The following RPL35 variants were observed in gnomAD, a reference collection of about 807,000 sequenced individuals.
RPL35 encodes ribosomal protein L35.
Under a neutral mutation model 15.6 loss-of-function variants are expected in RPL35, and 2 were observed. That is an observed-to-expected ratio of 0.13 (90% confidence interval 0.05 to 0.40). The LOEUF is 0.40. Ranked by LOEUF, RPL35 falls within the 10% of genes least tolerant of loss-of-function variation. RPL35 has a pLI of 0.99. For synonymous variants in RPL35, 93 were observed against 67.9 expected (o/e 1.37, Z -1.82); for missense variants, 111 against 164.7 (o/e 0.67, Z 1.79).
rs372635794 is a variant in RPL35, at chr9:124,857,913, G to A, written c.*5C>T. On this transcript the variant is annotated 3_prime_UTR_variant, in exon 4 of 4. Coordinates refer to ENST00000348462, the MANE Select transcript of RPL35 (RefSeq NM_007209.4). ...GCCAGCTGTGCTTTATTGACAATGC[G>A]CCCCTCAGGCCTTGACCGCGTACTT... The A allele has an allele frequency of 6.2e-6, 10 of 1,611,610 alleles. No homozygotes were observed. The highest frequency in any genetic ancestry group is 4.0e-5 in the African/African-American group (3 of 74,854).
chr9:124,860,341 G>A (rs1829177536), intron 2 of RPL35, 77 bp from the exon 3 acceptor site: 1 of 1,165,038 alleles, frequency 8.6e-7, no homozygotes, highest in Admixed American at 1.7e-5. Context: ...ACATAGGGCA[G>A]CAATAGCTGC....
intron 2 of RPL35, chr9:124,861,153 T>A (rs3780594): frequency 0.13 from 58,042 of 440,172 alleles, 4,644 homozygotes; most frequent in Admixed American, 0.24. Flanking sequence ...AAAACTCAAG[T>A]GTTGGTGGGA....
At chr9:124,858,155 G>A (rs1564307748) in intron 3 of RPL35, 88 bp from the exon 4 acceptor site, 6 of 1,409,118 alleles carry the variant, frequency 4.3e-6, no homozygotes, top group Admixed American at 2.1e-5. Flanking sequence ...GCCATCCAGA[G>A]CCACTCAGGA....
intron 2 of RPL35, 112 bp downstream of exon 2, chr9:124,861,307 G>T: frequency 7.5e-7 from 1 of 1,336,004 alleles, no homozygotes; most frequent in Non-Finnish European, 1.0e-6. Context: ...CAGGATGCAC[G>T]GAGTGGGCAT....
rs754541112 is a variant in RPL35 at position 124,861,564 on chromosome 9, AAGAG to A, written c.4-13_4-10del. The A allele has an allele frequency of 8.7e-6, 14 of 1,613,264 alleles. No individual in the cohort carries two copies. The highest frequency in any genetic ancestry group is 2.2e-5 in the South Asian group (2 of 91,002). On this transcript the variant is annotated splice_polypyrimidine_tract_variant and intron_variant, in intron 1 of 3. Coordinates refer to ENST00000348462, the MANE Select transcript of RPL35 (RefSeq NM_007209.4). ...CGAGCCTTGATCTTGGCCTGCGCGCAAGAGAGAGTGTGCCTCAGCCAGGCCGCGG... is the reference window on the plus strand; with the variant it reads ...CGAGCCTTGATCTTGGCCTGCGCGCAAGAGTGTGCCTCAGCCAGGCCGCGG...
At chr9:124,860,065 G>A (rs559625861) in intron 3 of RPL35, 118 bp downstream of exon 3, 3 of 749,264 alleles carry the variant, frequency 4.0e-6, no homozygotes, top group East Asian at 5.2e-5. Flanking sequence ...AACAAATTGG[G>A]AAGGCTAACC....
intron 2 of RPL35, among the ~76,000 whole-genome samples, chr9:124,860,621 GGAGA>G (rs1304747548): frequency 6.6e-6 from 1 of 152,220 alleles, no homozygotes; most frequent in Non-Finnish European, 1.5e-5. Context: ...GGGAACTGCA[GGAGA>G]GAGAAACAAG....
In RPL35 at chr9:124,861,564, A is replaced by AAG; in HGVS notation, c.4-11_4-10dup. On this transcript the variant is annotated splice_polypyrimidine_tract_variant and intron_variant, in intron 1 of 3. Coordinates refer to ENST00000348462, the MANE Select transcript of RPL35 (RefSeq NM_007209.4). ...CGAGCCTTGATCTTGGCCTGCGCGCAAGAGAGAGTGTGCCTCAGCCAGGCC... is the reference window on the plus strand; with the variant it reads ...CGAGCCTTGATCTTGGCCTGCGCGCAAGAGAGAGAGTGTGCCTCAGCCAGGCC... 6.2e-7 allele frequency: 1 copy of AAG among 1,613,382 alleles called. No individual in the cohort carries two copies. Among genetic ancestry groups the AAG allele is most frequent in the Non-Finnish European group, 8.5e-7 (1 of 1,179,796 alleles).
At chr9:124,861,264 A>T in intron 2 of RPL35, 155 bp downstream of exon 2, 1 of 911,470 alleles carries the variant, frequency 1.1e-6, no homozygotes. Flanking sequence ...GGCAGGTAAG[A>T]GGCTAAGCAC....
At chr9:124,861,292 C>T (rs1452608045) in intron 2 of RPL35, 127 bp downstream of exon 2, 15 of 1,214,686 alleles carry the variant, frequency 1.2e-5, no homozygotes, top group Non-Finnish European at 1.6e-5. Context: ...GTCTCCCATG[C>T]GCGCCAGGAT....
rs118098567 is a variant in RPL35, at chr9:124,859,259, G to A, written c.222+924C>T. Among the ~76,000 whole-genome samples, 1,276 of 152,244 alleles carry A rather than the reference G, an allele frequency of 8.4e-3. 51 individuals carry two copies. Among genetic ancestry groups the A allele is most frequent in the Admixed American group, 0.066 (1,009 of 15,290 alleles). On this transcript the variant is annotated intron_variant, in intron 3 of 3. Coordinates refer to ENST00000348462, the MANE Select transcript of RPL35 (RefSeq NM_007209.4). Reference sequence around the variant, plus strand: ...TGGGCTCAAGCCATCCTCCTGCCTCGGCCTCCCAGTAGCTGGGGTTATAGG... The same window carrying A: ...TGGGCTCAAGCCATCCTCCTGCCTCAGCCTCCCAGTAGCTGGGGTTATAGG...
At chr9:124,858,674 A>G in intron 3 of RPL35, 2 of 613,382 alleles carry the variant, frequency 3.3e-6, no homozygotes, top group Non-Finnish European at 5.9e-6. Context: ...CTCCTGCCCC[A>G]CTTGTTCTCC....
At chr9:124,858,514 T>C (rs777444375) in intron 3 of RPL35, 32 of 715,972 alleles carry the variant, frequency 4.5e-5, no homozygotes, top group Non-Finnish European at 6.0e-5. Flanking sequence ...TGTCCATCTG[T>C]ATGCAGGGCC....
At chr9:124,860,315 A>G (rs370531605) in intron 2 of RPL35, 51 bp from the exon 3 acceptor site, 1 of 1,433,572 alleles carries the variant, frequency 7.0e-7, no homozygotes. Context: ...AGCACTACCC[A>G]AGACTCAGGA....
At chr9:124,860,317 G>A in intron 2 of RPL35, 53 bp from the exon 3 acceptor site, 1 of 1,399,908 alleles carries the variant, frequency 7.1e-7, no homozygotes, top group Non-Finnish European at 1.0e-6. Flanking sequence ...CACTACCCAA[G>A]ACTCAGGACT....
At chr9:124,861,347 G>C (rs1829193771) in intron 2 of RPL35, 72 bp downstream of exon 2, 1 of 1,551,222 alleles carries the variant, frequency 6.4e-7, no homozygotes, top group Admixed American at 1.9e-5. Context: ...AGCCAACTTT[G>C]AAATCCTCCG....
chr9:124,858,461 G>T, intron 3 of RPL35: 1 of 716,378 alleles, frequency 1.4e-6, no homozygotes, highest in Admixed American at 2.0e-5. Context: ...CCATTACCTC[G>T]GCTCTGGTTA....
chr9:124,859,144 C>T (rs988059935), intron 3 of RPL35, among the ~76,000 whole-genome samples: 3 of 152,222 alleles, frequency 2.0e-5, no homozygotes, highest in Non-Finnish European at 4.4e-5. Context: ...GTGCTAGTGT[C>T]CCCTGAACAG....
At position 124,861,500 on chromosome 9, in the gene RPL35, T is replaced by C; in HGVS notation, c.59A>G (p.Gln20Arg). ...RGKKKEELLK[Q>R]LDDLKVELSQ... Reference sequence around the variant, plus strand: ...CAGCTCCACCTTCAGGTCGTCCAGCTGTTTCAGCAGCTCCTCCTTCTTCTT... The same window carrying C: ...CAGCTCCACCTTCAGGTCGTCCAGCCGTTTCAGCAGCTCCTCCTTCTTCTT... The change falls in exon 2 of 4, where the codon CAG becomes CGG. Residue 20 changes from glutamine (Q) to arginine (R), a missense_variant. Coordinates refer to ENST00000348462, the MANE Select transcript of RPL35 (RefSeq NM_007209.4). 6.2e-7 allele frequency: 1 copy of C among 1,614,040 alleles called. No individual in the cohort carries two copies. Among genetic ancestry groups the C allele is most frequent in the Non-Finnish European group, 8.5e-7 (1 of 1,180,018 alleles).
Sources: gnomAD v4.1 joint callset for allele counts (sites outside exome capture counted in the v4.1 genomes callset) on GRCh38, gnomAD v4.1.1 for gene constraint, MANE v1.5 for transcripts, NCBI Gene and HGNC (gene_info 2026-07-23, HGNC 2026-07-21) for gene names.